The following DAB1 variants were observed in gnomAD, a reference collection of about 807,000 sequenced individuals.
DAB1 encodes the protein disabled homolog 1.
DAB1 carries 15 observed loss-of-function variants against 64.6 expected under a neutral mutation model. That is an observed-to-expected ratio of 0.23 (90% confidence interval 0.16 to 0.36). The LOEUF (loss-of-function observed/expected upper bound fraction) is 0.36, where lower values mean the gene tolerates loss of function less well. DAB1 is among the 10% of genes least tolerant of loss of function. DAB1 has a pLI of 1.00. For synonymous variants in DAB1, 235 were observed against 251.9 expected (o/e 0.93, Z 0.64); for missense variants, 596 against 706.7 (o/e 0.84, Z 1.78).
chr1:57,327,965 C>T (rs1284334641), intron 1 of DAB1, among the ~76,000 whole-genome samples: 1 of 152,122 alleles, frequency 6.6e-6, no homozygotes, highest in East Asian at 1.9e-4. Context: ...AAATTAGGAT[C>T]TCTAAGAACC....
chr1:57,955,024 G>A (rs749683545), intron 5 of DAB1, among the ~76,000 whole-genome samples: 5 of 152,110 alleles, frequency 3.3e-5, no homozygotes, highest in South Asian at 2.1e-4. Flanking sequence ...GAGGCATAGC[G>A]GCCCTGTTTG....
At chr1:57,299,439 C>A (rs1253053905) in intron 1 of DAB1, among the ~76,000 whole-genome samples, 1 of 152,176 alleles carries the variant, frequency 6.6e-6, no homozygotes, top group Non-Finnish European at 1.5e-5. Context: ...TTTCTGTAAT[C>A]AAACTCAAAG....
chr1:57,295,714 G>C (rs758410596), intron 1 of DAB1, among the ~76,000 whole-genome samples: 9 of 152,116 alleles, frequency 5.9e-5, no homozygotes, highest in Non-Finnish European at 1.0e-4. Context: ...AGGGAGAACT[G>C]GGTGGTGATG....
chr1:58,251,107 T>C (rs1240061145), intron 4 of DAB1, among the ~76,000 whole-genome samples: 1 of 152,206 alleles, frequency 6.6e-6, no homozygotes, highest in Non-Finnish European at 1.5e-5. Flanking sequence ...TCTCATATAA[T>C]TGTGAGAATC....
At chr1:57,625,358 C>A (rs558463173) in intron 7 of DAB1, among the ~76,000 whole-genome samples, 48 of 152,166 alleles carry the variant, frequency 3.2e-4, no homozygotes, top group African/African-American at 8.7e-4. Context: ...CATCTCCCCC[C>A]TTATCTCACT....
intron 1 of DAB1, among the ~76,000 whole-genome samples, chr1:57,836,116 A>G (rs558435648): frequency 6.6e-6 from 1 of 152,314 alleles, no homozygotes; most frequent in South Asian, 2.1e-4. Context: ...AGGAATTCAT[A>G]TTTATTACCT....
At chr1:58,386,535 G>C (rs1381976331) in intron 3 of DAB1, among the ~76,000 whole-genome samples, 1 of 152,016 alleles carries the variant, frequency 6.6e-6, no homozygotes, top group Non-Finnish European at 1.5e-5. Flanking sequence ...AAGCAGAGAG[G>C]GTAAGCGACT....
chr1:58,049,551 T>C (rs773828996), intron 5 of DAB1, among the ~76,000 whole-genome samples: 30 of 152,160 alleles, frequency 2.0e-4, no homozygotes, highest in Non-Finnish European at 4.1e-4. Flanking sequence ...TGTGACCTGC[T>C]GGTAAGTAGA....
chr1:57,465,616 A>G (rs542084693), intron 7 of DAB1, among the ~76,000 whole-genome samples: 3 of 152,354 alleles, frequency 2.0e-5, no homozygotes, highest in African/African-American at 4.8e-5. Context: ...AGATGACATC[A>G]GAATTGGGGA....
intron 7 of DAB1, among the ~76,000 whole-genome samples, chr1:57,636,096 CA>C (rs61007751): frequency 0.031 from 2,034 of 65,002 alleles, 52 homozygotes; most frequent in African/African-American, 0.1. Context: ...GACACGGTCT[CA>C]AAAAAAAAAA....
intron 5 of DAB1, among the ~76,000 whole-genome samples, chr1:57,903,053 G>A (rs1038873881): frequency 1.3e-5 from 2 of 152,058 alleles, no homozygotes; most frequent in African/African-American, 4.8e-5. Context: ...GTGTGCAGAG[G>A]AACTCCCCTT....
chr1:58,054,103 ATTCT>A (rs1647898242), intron 5 of DAB1, among the ~76,000 whole-genome samples: 1 of 152,252 alleles, frequency 6.6e-6, no homozygotes, highest in East Asian at 1.9e-4. Flanking sequence ...TTGCATCACA[ATTCT>A]AGGAGTATGG....
At chr1:57,765,682 A>C (rs866589490) in intron 6 of DAB1, among the ~76,000 whole-genome samples, 2 of 152,138 alleles carry the variant, frequency 1.3e-5, no homozygotes, top group Admixed American at 1.3e-4. Context: ...GACTGTCAAC[A>C]CTATGCAGCA....
chr1:57,786,911 C>A (rs560946393), intron 6 of DAB1, among the ~76,000 whole-genome samples: 3 of 152,068 alleles, frequency 2.0e-5, no homozygotes, highest in African/African-American at 7.2e-5. Context: ...ATAAGCTAAT[C>A]CCTCACAATA....
At chr1:57,430,620 G>A (rs775432588) in intron 7 of DAB1, among the ~76,000 whole-genome samples, 1 of 151,828 alleles carries the variant, frequency 6.6e-6, no homozygotes, top group Non-Finnish European at 1.5e-5. Context: ...CTCGTGATCC[G>A]CCCGCCTAGG....
intron 3 of DAB1, among the ~76,000 whole-genome samples, chr1:58,477,339 T>C (rs1261260784): frequency 1.3e-5 from 2 of 152,350 alleles, no homozygotes; most frequent in East Asian, 3.9e-4. Flanking sequence ...TTAAATGTCA[T>C]TTCAGATAAA....
chr1:58,198,330 G>A (rs1435299456), intron 4 of DAB1, among the ~76,000 whole-genome samples: 1 of 152,218 alleles, frequency 6.6e-6, no homozygotes, highest in African/African-American at 2.4e-5. Flanking sequence ...AGAAGACATG[G>A]GTATAAGTCT....
At chr1:58,401,135 C>T (rs1461504908) in intron 3 of DAB1, among the ~76,000 whole-genome samples, 1 of 152,176 alleles carries the variant, frequency 6.6e-6, no homozygotes, top group African/African-American at 2.4e-5. Context: ...TAGTGACTGG[C>T]ATAACTTACA....
At chr1:57,105,475 A>G (rs1430305300) in intron 4 of DAB1, among the ~76,000 whole-genome samples, 1 of 152,058 alleles carries the variant, frequency 6.6e-6, no homozygotes, top group African/African-American at 2.4e-5. Context: ...AGTCGCCCTT[A>G]GTAGGTGCCT....
Sources: gnomAD v4.1 joint callset for allele counts (sites outside exome capture counted in the v4.1 genomes callset) on GRCh38, gnomAD v4.1.1 for gene constraint, MANE v1.5 for transcripts, NCBI Gene and HGNC (gene_info 2026-07-23, HGNC 2026-07-21) for gene names.